CAMK1D: variants seen among roughly 807,000 people sequenced by gnomAD.
CAMK1D encodes calcium/calmodulin dependent protein kinase ID.
In CAMK1D, 9 loss-of-function variants were observed where a neutral mutation model predicts 47.7. The observed-to-expected ratio is 0.19, with a 90% CI of 0.11 to 0.33. CAMK1D has a LOEUF of 0.33. Ranked by LOEUF, CAMK1D falls within the 10% of genes least tolerant of loss-of-function variation. The pLI is 1.00. For missense variants in CAMK1D, 291 were observed against 488.7 expected, an observed-to-expected ratio of 0.60 and a Z score of 3.81; for synonymous variants, 184 against 184.9, an observed-to-expected ratio of 0.99 and a Z score of 0.04.
intron 1 of CAMK1D, among the ~76,000 whole-genome samples, chr10:12,370,156 A>G (rs1365632924): frequency 6.6e-6 from 1 of 152,132 alleles, no homozygotes; most frequent in Admixed American, 6.6e-5. Flanking sequence ...TGGGGCAATG[A>G]TAATGGAGCG....
intron 6 of CAMK1D, among the ~76,000 whole-genome samples, chr10:12,792,083 T>C (rs1303247925): frequency 6.6e-6 from 1 of 152,238 alleles, no homozygotes; most frequent in East Asian, 1.9e-4. Context: ...AAGCCTCTTT[T>C]CATGTGCCAC....
chr10:12,388,316 C>T (rs1050333568), intron 1 of CAMK1D, among the ~76,000 whole-genome samples: 10 of 152,160 alleles, frequency 6.6e-5, no homozygotes, highest in Admixed American at 4.6e-4. Context: ...TGTGAGCCAC[C>T]GTGCCCGGCC....
intron 1 of CAMK1D, among the ~76,000 whole-genome samples, chr10:12,548,343 A>G (rs1191932192): frequency 6.6e-6 from 1 of 151,298 alleles, no homozygotes; most frequent in African/African-American, 2.4e-5. Context: ...TTTTTCCAAT[A>G]TGTCCATCCT....
chr10:12,724,419 A>G (rs1588850905), intron 3 of CAMK1D, among the ~76,000 whole-genome samples: 1 of 152,118 alleles, frequency 6.6e-6, no homozygotes, highest in East Asian at 1.9e-4. Flanking sequence ...TGGGTTCTGG[A>G]GTCACTTAGG....
intron 3 of CAMK1D, among the ~76,000 whole-genome samples, chr10:12,714,608 A>T (rs934616742): frequency 3.3e-5 from 5 of 152,026 alleles, no homozygotes; most frequent in African/African-American, 1.2e-4. Context: ...AATCTCATCT[A>T]CTCAGGAGGC....
At chr10:12,746,088 C>A (rs111361643) in intron 3 of CAMK1D, among the ~76,000 whole-genome samples, 1 of 152,058 alleles carries the variant, frequency 6.6e-6, no homozygotes, top group Non-Finnish European at 1.5e-5. Context: ...GTATTTGTCC[C>A]GATGCCGGTG....
rs1833442580 is a variant in CAMK1D at position 12,832,941 on chromosome 10, AC to A, written c.*4055del. ...GCCAACATGGTGAAACCCTGTTTCTACTAAAAATACAAAAATTAGCTGGGCA... is the reference window on the plus strand; with the variant it reads ...GCCAACATGGTGAAACCCTGTTTCTATAAAAATACAAAAATTAGCTGGGCA... On this transcript the variant is annotated 3_prime_UTR_variant, in exon 11 of 11. Transcript: ENST00000619168. 1 of 152,342 alleles carries A rather than the reference AC, an allele frequency of 6.6e-6. No individual in the cohort carries two copies. Among genetic ancestry groups the A allele is most frequent in the Non-Finnish European group, 1.5e-5 (1 of 68,148 alleles). 9.4% of individuals were successfully genotyped at this position (152,342 alleles called of 1,614,324 possible).
chr10:12,764,381 C>CAAAAAAAAAAAAAAAAAAAAAAAA (rs56657709), intron 4 of CAMK1D, among the ~76,000 whole-genome samples: 2 of 77,984 alleles, frequency 2.6e-5, no homozygotes, highest in African/African-American at 9.8e-5. Context: ...CACTTTGTCT[C>CAAAAAAAAAAAAAAAAAAAAAAAA]AAAAAAAAAA....
At chr10:12,566,894 C>G (rs1314230293) in intron 2 of CAMK1D, among the ~76,000 whole-genome samples, 1 of 152,196 alleles carries the variant, frequency 6.6e-6, no homozygotes, top group Non-Finnish European at 1.5e-5. Context: ...TTTCTGACTT[C>G]CCCTCCCTGG....
intron 5 of CAMK1D, among the ~76,000 whole-genome samples, chr10:12,785,517 TA>T (rs1165768227): frequency 6.6e-6 from 1 of 152,192 alleles, no homozygotes; most frequent in Non-Finnish European, 1.5e-5. Flanking sequence ...AGCTCTCGGG[TA>T]TCTCCAGGCA....
At chr10:12,599,001 A>G (rs1442374057) in intron 2 of CAMK1D, among the ~76,000 whole-genome samples, 1 of 152,216 alleles carries the variant, frequency 6.6e-6, no homozygotes, top group Non-Finnish European at 1.5e-5. Context: ...ATGATGCACG[A>G]GAATGCTCAG....
At chr10:12,523,881 T>C (rs555983235) in intron 1 of CAMK1D, among the ~76,000 whole-genome samples, 21 of 152,094 alleles carry the variant, frequency 1.4e-4, no homozygotes, top group African/African-American at 1.9e-4. Flanking sequence ...GTGTGTGTTT[T>C]GTAGGGATTA....
chr10:12,553,504 A>G lies in CAMK1D; in HGVS notation c.224+148A>G, dbSNP rs192171079. ...GCAAACGATAACCAACTTTCAAAGC[A>G]CTTTTCCCATAGACCTCTCGTGTCT... On this transcript the variant is annotated intron_variant, in intron 2 of 10. Transcript: ENST00000619168. 124 of 631,512 alleles carry G rather than the reference A, an allele frequency of 2.0e-4. 2 individuals are homozygous for G. The highest frequency in any genetic ancestry group is 1.4e-3 in the South Asian group (75 of 53,164). The allele number at this position is 631,512 out of a possible 1,614,324, so 39.1% of individuals were successfully genotyped here.
chr10:12,744,671 A>G (rs1393483883), intron 3 of CAMK1D, among the ~76,000 whole-genome samples: 2 of 152,026 alleles, frequency 1.3e-5, no homozygotes, highest in Non-Finnish European at 2.9e-5. Context: ...TGGGAGGATC[A>G]CTTGAGGCTG....
chr10:12,636,896 T>C (rs1278054815), intron 2 of CAMK1D, among the ~76,000 whole-genome samples: 1 of 152,200 alleles, frequency 6.6e-6, no homozygotes, highest in African/African-American at 2.4e-5. Context: ...TCAGTGTTCT[T>C]GCTCAGGAAA....
chr10:12,488,379 A>G (rs1241683424), intron 1 of CAMK1D, among the ~76,000 whole-genome samples: 1 of 151,866 alleles, frequency 6.6e-6, no homozygotes, highest in Non-Finnish European at 1.5e-5. Flanking sequence ...CCATGGATCA[A>G]CTCACTATGA....
At chr10:12,768,973 A>G (rs1342828996) in intron 4 of CAMK1D, among the ~76,000 whole-genome samples, 1 of 152,202 alleles carries the variant, frequency 6.6e-6, no homozygotes, top group East Asian at 1.9e-4. Flanking sequence ...TAAGAAATGG[A>G]AGAAGGCCTT....
chr10:12,828,655 AT>A, intron 10 of CAMK1D, 113 bp from the exon 11 acceptor site: 1 of 613,192 alleles, frequency 1.6e-6, no homozygotes, highest in Non-Finnish European at 2.7e-6. Context: ...AAAAAAAAAA[AT>A]TGGGCCCCCC....
At chr10:12,623,051 C>CCCTCCCTCCCTTCCTCCCTTCCTTCCTT (rs1839049301) in intron 2 of CAMK1D, among the ~76,000 whole-genome samples, 1 of 128,858 alleles carries the variant, frequency 7.8e-6, no homozygotes, top group Admixed American at 7.7e-5. Context: ...TTCCCTCCCT[C>CCCTCCCTCCCTTCCTCCCTTCCTTCCTT]CCTCCCTCCC....
Sources: allele counts gnomAD v4.1 joint callset (sites outside exome capture counted in the v4.1 genomes callset), GRCh38; gene constraint gnomAD v4.1.1; transcripts MANE v1.5; gene names NCBI Gene and HGNC (gene_info 2026-07-23, HGNC 2026-07-21).